The following IGSF11 variants were observed in gnomAD, a reference collection of about 807,000 sequenced individuals.
IGSF11 encodes the protein immunoglobulin superfamily member 11, also known as CXADR like 1.
In IGSF11, 22 loss-of-function variants were observed where a neutral mutation model predicts 41.0. That is an observed-to-expected ratio of 0.54 (90% CI 0.38 to 0.77). The LOEUF (loss-of-function observed/expected upper bound fraction) is 0.77, where lower values mean the gene tolerates loss of function less well. IGSF11 is among the 30% of genes least tolerant of loss of function. The probability of loss-of-function intolerance (pLI) is 0.00; values close to 1 mark genes in which losing one functional copy is unlikely to be tolerated. For missense variants in IGSF11, 444 were observed against 530.8 expected (o/e 0.84, Z 1.61); for synonymous variants, 219 against 201.3 (o/e 1.09, Z -0.74).
intron 1 of IGSF11, among the ~76,000 whole-genome samples, chr3:118,974,612 C>G (rs1361301843): frequency 1.3e-5 from 2 of 152,206 alleles, no homozygotes; most frequent in African/African-American, 4.8e-5. Flanking sequence ...TCTGGCCCTT[C>G]TTCAGTACAA....
intron 4 of IGSF11, among the ~76,000 whole-genome samples, chr3:118,911,459 T>C (rs961118253): frequency 7.9e-5 from 12 of 152,144 alleles, no homozygotes; most frequent in Admixed American, 5.2e-4. Context: ...CTCACACCTA[T>C]AGTCCCAGCA....
At chr3:118,979,331 A>G (rs952631108) in intron 1 of IGSF11, among the ~76,000 whole-genome samples, 2 of 152,160 alleles carry the variant, frequency 1.3e-5, no homozygotes, top group African/African-American at 2.4e-5. Flanking sequence ...AGTTAGAAAA[A>G]CTATTTAATA....
At chr3:118,964,567 A>C (rs1271528803) in intron 1 of IGSF11, among the ~76,000 whole-genome samples, 1 of 152,160 alleles carries the variant, frequency 6.6e-6, no homozygotes, top group Non-Finnish European at 1.5e-5. Flanking sequence ...AGAAGGGAAG[A>C]CATTTTACAC....
rs756721899 is a variant in IGSF11 at position 118,926,259 on chromosome 3, A to G, written c.425-3T>C. Reference sequence around the variant, plus strand: ...GCAGTGTGGGGCAGAAGGGGGAACTATAACAGGAAGAATAAGCAATAAAGT... The same window carrying G: ...GCAGTGTGGGGCAGAAGGGGGAACTGTAACAGGAAGAATAAGCAATAAAGT... On this transcript the variant is annotated splice_polypyrimidine_tract_variant and splice_region_variant and intron_variant, in intron 3 of 6. Transcript: ENST00000393775. The G allele has an allele frequency of 2.5e-6, 4 of 1,580,020 alleles. No homozygotes were observed. Among genetic ancestry groups the G allele is most frequent in the South Asian group, 2.3e-5 (2 of 86,954 alleles).
intron 6 of IGSF11, 104 bp downstream of exon 6, chr3:118,904,544 G>A (rs970283134): frequency 4.5e-5 from 37 of 819,076 alleles, no homozygotes; most frequent in Admixed American, 4.5e-4. Context: ...TAATAGTCTC[G>A]GCCATCAGAG....
chr3:119,024,373 T>C (rs1372045274), intron 1 of IGSF11, among the ~76,000 whole-genome samples: 1 of 152,214 alleles, frequency 6.6e-6, no homozygotes, highest in Non-Finnish European at 1.5e-5. Context: ...CGGTAGGTTG[T>C]TTCAGGAAAA....
intron 1 of IGSF11, among the ~76,000 whole-genome samples, chr3:118,958,832 C>T (rs1038180180): frequency 5.9e-5 from 9 of 152,162 alleles, no homozygotes; most frequent in African/African-American, 2.2e-4. Flanking sequence ...TATAGACAAA[C>T]AGAGAACAGC....
rs374825195 is a variant in IGSF11 at position 119,046,182 on chromosome 3, G to A, written c.49+58962C>T. On this transcript the variant is annotated intron_variant, in intron 1 of 6. Transcript: ENST00000354673. Reference sequence around the variant, plus strand: ...GAGCTGAGAGAAGAAGGCTTCAGACGATCAAATTACTCTGAGCTACGGGAG... The same window carrying A: ...GAGCTGAGAGAAGAAGGCTTCAGACAATCAAATTACTCTGAGCTACGGGAG... 5.2e-3 allele frequency among the ~76,000 whole-genome samples: 785 copies of A among 150,208 alleles called. 4 individuals are homozygous for A. Among genetic ancestry groups the A allele is most frequent in the Non-Finnish European group, 8.1e-3 (545 of 67,558 alleles).
At position 119,034,624 on chromosome 3, in the gene IGSF11, C is replaced by T; in HGVS notation, c.-42G>A. On this transcript the variant is annotated 5_prime_UTR_variant, in exon 1 of 7. Transcript: ENST00000393775. The stretch of plus-strand genomic sequence containing the variant: ...GCGCGCCTGCCTCCTACCCGGCTCC[C>T]GGTCGCAACAGGAGAGGAGCGGGCG... The T allele has an allele frequency of 6.4e-7, 1 of 1,551,916 alleles. No individual in the cohort carries two copies.
intron 6 of IGSF11, 85 bp downstream of exon 6, chr3:118,904,563 T>C: frequency 1.0e-6 from 1 of 966,988 alleles, no homozygotes; most frequent in Non-Finnish European, 1.6e-6. Flanking sequence ...AGTTTTATGA[T>C]TAGTAGATAT....
upstream of IGSF11, among the ~76,000 whole-genome samples, chr3:119,109,260 T>C (rs1202584920): frequency 6.7e-6 from 1 of 150,356 alleles, no homozygotes; most frequent in Non-Finnish European, 1.5e-5. Flanking sequence ...ATTGCCACAA[T>C]TTCAGATCCT....
chr3:119,104,444 A>T (rs1576802629), intron 1 of IGSF11, among the ~76,000 whole-genome samples: 1 of 152,076 alleles, frequency 6.6e-6, no homozygotes, highest in Non-Finnish European at 1.5e-5. Flanking sequence ...GATCACTCCC[A>T]TTCACTTCTT....
At chr3:118,975,748 T>C (rs976001631) in intron 1 of IGSF11, among the ~76,000 whole-genome samples, 1 of 152,206 alleles carries the variant, frequency 6.6e-6, no homozygotes, top group Non-Finnish European at 1.5e-5. Context: ...GCCATCATCC[T>C]AAGTGAATTA....
intron 4 of IGSF11, among the ~76,000 whole-genome samples, chr3:118,907,127 A>G (rs188095374): frequency 1.3e-5 from 2 of 152,346 alleles, no homozygotes; most frequent in African/African-American, 4.8e-5. Context: ...GGCAACACCT[A>G]GAGCTATCCC....
chr3:119,111,939 C>T (rs924518607), intron 1 of IGSF11, among the ~76,000 whole-genome samples: 3 of 152,178 alleles, frequency 2.0e-5, no homozygotes, highest in African/African-American at 4.8e-5. Flanking sequence ...GCTGTCTGAT[C>T]GTTCCTCTGG....
At chr3:119,028,541 CA>C (rs1361060586) in intron 1 of IGSF11, among the ~76,000 whole-genome samples, 3 of 152,004 alleles carry the variant, frequency 2.0e-5, no homozygotes. Context: ...CAGAAATTGC[CA>C]AAAGTCCAAG....
Position 118,902,896 on chromosome 3 carries a change from T to C in IGSF11, c.920A>G (p.Asp307Gly), listed in dbSNP as rs562855599. The C allele has an allele frequency of 1.9e-6, 3 of 1,614,128 alleles. No individual in the cohort carries two copies. The highest frequency in any genetic ancestry group is 1.7e-5 in the Admixed American group (1 of 60,018). The change falls in exon 7 of 7, where the codon GAC (aspartate) becomes GGC (glycine). Residue 307 changes from aspartate (D) to glycine (G), a missense_variant. By Grantham distance (94) the Asp-to-Gly change is moderately conservative. Coordinates refer to ENST00000393775, the MANE Select transcript of IGSF11 (RefSeq NM_001015887.3). ...ATTGGAAGAGGTTAGTGTGTTGTTG[T>C]CCGAGGAGGAAATCTCAGTGTGAAA... ...KAFHTEISSS[D>G]NNTLTSSNAY...
intron 1 of IGSF11, among the ~76,000 whole-genome samples, chr3:119,064,263 C>T (rs1417207683): frequency 6.6e-6 from 1 of 152,080 alleles, no homozygotes; most frequent in Non-Finnish European, 1.5e-5. Context: ...TAGGAATAGC[C>T]AAAATATTGA....
chr3:119,088,246 A>G (rs1032564250), intron 1 of IGSF11, among the ~76,000 whole-genome samples: 8 of 152,214 alleles, frequency 5.3e-5, no homozygotes, highest in African/African-American at 1.9e-4. Context: ...GTGAAAAAAA[A>G]AAACAGAAAT....
Sources: gnomAD v4.1 joint callset for allele counts (sites outside exome capture counted in the v4.1 genomes callset) on GRCh38, gnomAD v4.1.1 for gene constraint, MANE v1.5 for transcripts, NCBI Gene and HGNC (gene_info 2026-07-23, HGNC 2026-07-21) for gene names.